The following MEIKIN variants were observed in gnomAD, a reference collection of about 807,000 sequenced individuals.
MEIKIN encodes the protein meiotic kinetochore factor, also known as meiosis-specific kinetochore protein.
intron 11 of MEIKIN, among the ~76,000 whole-genome samples, chr5:131,847,648 A>G (rs1750042330): frequency 6.6e-6 from 1 of 152,118 alleles, no homozygotes; most frequent in African/African-American, 2.4e-5. Context: ...GCAGAAGAGA[A>G]TATGAAAATA....
In MEIKIN at chr5:131,807,264, G is replaced by GA. The variant is rs562084814; in HGVS notation, c.1100-7dup. On this transcript the variant is annotated splice_region_variant and splice_polypyrimidine_tract_variant and intron_variant, in intron 12 of 12. Transcript: ENST00000442687. ...TGCCATTTTTATTATGATATCTGGA[G>GA]AAAAAAAAATAACAATAGATTACTT... The GA allele has an allele frequency of 1.1e-3, 418 of 383,754 alleles. 4 individuals are homozygous for GA. In the South Asian group the frequency reaches 0.033, roughly 30 times the overall value. The allele number at this position is 383,754 out of a possible 1,614,324, so 23.8% of individuals were successfully genotyped here. A position where few individuals can be genotyped will look rare whatever the true frequency, so the allele number is the denominator to read the frequency against.
Position 131,941,355 on chromosome 5 carries a change from C to T in MEIKIN, c.349+1280G>A, listed in dbSNP as rs146208968. ...TGTATTTTTAGTAGAGACGGGGTTT[C>T]ACCATGTTGGCCAGGCTGGTCTCGA... is the stretch of plus-strand genomic sequence containing the variant. On this transcript the variant is annotated intron_variant, in intron 4 of 12. Transcript: ENST00000442687. Among the ~76,000 whole-genome samples the T allele has an allele frequency of 2.7e-3, 404 of 147,240 alleles. 2 individuals carry two copies. Among genetic ancestry groups the T allele is most frequent in the African/African-American group, 0.01 (377 of 37,020 alleles).
chr5:131,890,366 C>T (rs965256979), intron 8 of MEIKIN, among the ~76,000 whole-genome samples: 33 of 152,170 alleles, frequency 2.2e-4, no homozygotes, highest in Non-Finnish European at 4.7e-4. Flanking sequence ...TAATTATTGC[C>T]TCAATTTCAG....
At chr5:131,902,729 T>C (rs1751180135) in intron 8 of MEIKIN, among the ~76,000 whole-genome samples, 1 of 152,116 alleles carries the variant, frequency 6.6e-6, no homozygotes, top group Non-Finnish European at 1.5e-5. Flanking sequence ...ACTCTGGCAA[T>C]TCAAAAAGCC....
intron 8 of MEIKIN, among the ~76,000 whole-genome samples, chr5:131,904,984 G>A (rs751603946): frequency 5.9e-5 from 9 of 152,016 alleles, no homozygotes; most frequent in East Asian, 1.9e-4. Flanking sequence ...AGGGCCTGTC[G>A]GGGGGTTGGA....
At chr5:131,899,542 T>TAAAAAA (rs398065218) in intron 8 of MEIKIN, among the ~76,000 whole-genome samples, 4 of 125,424 alleles carry the variant, frequency 3.2e-5, no homozygotes, top group Non-Finnish European at 3.4e-5. Context: ...TGAATGGATT[T>TAAAAAA]AAAAAAAAAA....
chr5:131,841,243 G>A (rs1749903140), intron 11 of MEIKIN, among the ~76,000 whole-genome samples: 1 of 152,116 alleles, frequency 6.6e-6, no homozygotes, highest in Non-Finnish European at 1.5e-5. Context: ...GCGGGGGTGA[G>A]GTGCTCCCAG....
chr5:131,867,637 T>C (rs1238223921), intron 9 of MEIKIN, among the ~76,000 whole-genome samples: 1 of 152,238 alleles, frequency 6.6e-6, no homozygotes, highest in Non-Finnish European at 1.5e-5. Flanking sequence ...ATGTAGCCTT[T>C]TCAGTCACTT....
intron 4 of MEIKIN, among the ~76,000 whole-genome samples, chr5:131,937,806 T>C (rs1192874996): frequency 6.6e-6 from 1 of 152,214 alleles, no homozygotes; most frequent in Non-Finnish European, 1.5e-5. Flanking sequence ...GGAAAACTAA[T>C]AAATTTCTCT....
chr5:131,887,959 G>A (rs1000883534), intron 8 of MEIKIN, among the ~76,000 whole-genome samples: 11 of 136,126 alleles, frequency 8.1e-5, no homozygotes, highest in South Asian at 2.4e-4. Context: ...AACATGCGGT[G>A]TTTGGTTTTT....
intron 9 of MEIKIN, among the ~76,000 whole-genome samples, chr5:131,860,322 T>A (rs1684691582): frequency 1.5e-5 from 2 of 135,884 alleles, no homozygotes; most frequent in Admixed American, 1.5e-4. Flanking sequence ...GTTTTGCAGC[T>A]GTTGTAAATG....
intron 9 of MEIKIN, among the ~76,000 whole-genome samples, chr5:131,860,299 G>A (rs1311551301): frequency 7.9e-6 from 1 of 125,798 alleles, no homozygotes; most frequent in Non-Finnish European, 1.6e-5. Context: ...TTTTTTTTTG[G>A]TTTTGTTGGT....
chr5:131,896,733 G>T (rs1751059084), intron 8 of MEIKIN, among the ~76,000 whole-genome samples: 1 of 152,004 alleles, frequency 6.6e-6, no homozygotes, highest in Admixed American at 6.6e-5. Flanking sequence ...CCATTTGCTT[G>T]GTATATCTTC....
chr5:131,827,782 A>G (rs1749640108), intron 11 of MEIKIN, among the ~76,000 whole-genome samples: 1 of 152,226 alleles, frequency 6.6e-6, no homozygotes, highest in Admixed American at 6.5e-5. Context: ...ATAGTGGCTA[A>G]TTTCAACACA....
chr5:131,918,994 T>A (rs969748526), intron 6 of MEIKIN, among the ~76,000 whole-genome samples: 3 of 152,054 alleles, frequency 2.0e-5, no homozygotes, highest in African/African-American at 7.2e-5. Flanking sequence ...GAATAAAAAA[T>A]TTTTGCATGA....
At chr5:131,852,223 C>G (rs570040299) in intron 10 of MEIKIN, among the ~76,000 whole-genome samples, 1 of 152,040 alleles carries the variant, frequency 6.6e-6, no homozygotes, top group Non-Finnish European at 1.5e-5. Context: ...GGGTGGTTTT[C>G]TCCATACTGT....
In MEIKIN at chr5:131,895,885, T is replaced by C. The variant is rs551932285; in HGVS notation, c.703+15930A>G. Among the ~76,000 whole-genome samples the C allele has an allele frequency of 1.7e-3, 252 of 152,348 alleles. 1 individual carries two copies. Among genetic ancestry groups the C allele is most frequent in the Non-Finnish European group, 2.6e-3 (174 of 68,030 alleles). On this transcript the variant is annotated intron_variant, in intron 8 of 12. Transcript: ENST00000442687. ...AAGGGTTTTTTGTGTCTCTATCTCC[T>C]TCAGTTCTGCTCTGATCTTAGTTAT...
chr5:131,872,982 A>G (rs1174744026), intron 9 of MEIKIN, among the ~76,000 whole-genome samples: 4 of 152,258 alleles, frequency 2.6e-5, no homozygotes, highest in African/African-American at 9.6e-5. Context: ...CTGCCCTAAA[A>G]GAGCTCCTGA....
chr5:131,928,420 A>G (rs952745705), intron 5 of MEIKIN, among the ~76,000 whole-genome samples: 10 of 151,776 alleles, frequency 6.6e-5, no homozygotes, highest in Non-Finnish European at 1.3e-4. Flanking sequence ...TGATTCTTCC[A>G]TAGGAATTTT....
Sources: allele counts gnomAD v4.1 joint callset (sites outside exome capture counted in the v4.1 genomes callset), GRCh38; gene constraint gnomAD v4.1.1; transcripts MANE v1.5; gene names NCBI Gene and HGNC (gene_info 2026-07-23, HGNC 2026-07-21).